FCHSD2: variants seen among roughly 807,000 people sequenced by gnomAD.
FCHSD2 encodes the protein FCH and double SH3 domains 2.
Under a neutral mutation model 108.1 loss-of-function variants are expected in FCHSD2, and 38 were observed. The observed-to-expected ratio is 0.35, with a 90% CI of 0.27 to 0.46. The LOEUF (loss-of-function observed/expected upper bound fraction) is 0.46. Among genes scored for constraint, FCHSD2 ranks in the 20% least tolerant of loss-of-function variants. The pLI, the probability that FCHSD2 is intolerant of heterozygous loss-of-function variation, is 1.00. For synonymous variants in FCHSD2, 279 were observed against 314.7 expected (o/e 0.89, Z 1.20); for missense variants, 751 against 897.8 (o/e 0.84, Z 2.09).
chr11:72,976,644 T>C (rs1479257690), intron 8 of FCHSD2, among the ~76,000 whole-genome samples: 1 of 152,098 alleles, frequency 6.6e-6, no homozygotes, highest in Non-Finnish European at 1.5e-5. Context: ...ATTACCTAAC[T>C]TCAAATTATA....
intron 2 of FCHSD2, among the ~76,000 whole-genome samples, chr11:73,086,076 C>T (rs1283754990): frequency 6.6e-6 from 1 of 152,152 alleles, no homozygotes; most frequent in African/African-American, 2.4e-5. Flanking sequence ...GAAAGCAGTG[C>T]TACGGGGGAA....
At position 72,840,968 on chromosome 11, in the gene FCHSD2, G is replaced by GA; in HGVS notation, c.2057-10dup. ...AGCATGAAGGCTTTTTTCTAAGGGA[G>GA]AAAACCAAAGAAGCTCATTTTACTT... On this transcript the variant is annotated splice_polypyrimidine_tract_variant and intron_variant, in intron 18 of 19. Transcript: ENST00000409418. 6.2e-7 allele frequency: 1 copy of GA among 1,602,318 alleles called. No individual in the cohort carries two copies. Among genetic ancestry groups the GA allele is most frequent in the Non-Finnish European group, 8.5e-7 (1 of 1,169,694 alleles).
At chr11:73,138,550 A>T (rs914103149) in intron 2 of FCHSD2, among the ~76,000 whole-genome samples, 16 of 150,880 alleles carry the variant, frequency 1.1e-4, no homozygotes, top group Non-Finnish European at 2.1e-4. Context: ...TTAATAAGTT[A>T]AAAAAACCTT....
intron 4 of FCHSD2, among the ~76,000 whole-genome samples, chr11:73,010,314 T>C (rs79227805): frequency 0.065 from 9,955 of 152,310 alleles, 457 homozygotes; most frequent in Non-Finnish European, 0.099. Context: ...TTCTGATTTC[T>C]CTGTACTGTT....
chr11:73,021,798 C>CA (rs1172975352), intron 3 of FCHSD2, among the ~76,000 whole-genome samples: 1 of 151,948 alleles, frequency 6.6e-6, no homozygotes, highest in Admixed American at 6.6e-5. Flanking sequence ...CGGATATATA[C>CA]AAAAAACTGG....
intron 3 of FCHSD2, among the ~76,000 whole-genome samples, chr11:73,052,956 C>T (rs918245155): frequency 2.0e-5 from 3 of 152,088 alleles, no homozygotes; most frequent in Non-Finnish European, 4.4e-5. Flanking sequence ...AGGTGATTCT[C>T]CTGCCTCAGC....
At chr11:73,052,193 A>G (rs1028513295) in intron 3 of FCHSD2, among the ~76,000 whole-genome samples, 2 of 152,210 alleles carry the variant, frequency 1.3e-5, no homozygotes, top group African/African-American at 2.4e-5. Flanking sequence ...TTTCTGCTTC[A>G]CTGCCAAACA....
At chr11:73,055,462 C>A (rs1410517602) in intron 3 of FCHSD2, among the ~76,000 whole-genome samples, 1 of 152,066 alleles carries the variant, frequency 6.6e-6, no homozygotes, top group Non-Finnish European at 1.5e-5. Context: ...GAGAAGTATA[C>A]AATGACCATC....
At chr11:72,934,157 A>G (rs1259831150) in intron 8 of FCHSD2, among the ~76,000 whole-genome samples, 2 of 151,750 alleles carry the variant, frequency 1.3e-5, no homozygotes, top group African/African-American at 4.8e-5. Context: ...GCTTACAACA[A>G]ATCATAAAAG....
chr11:72,889,800 A>G (rs1000183898), intron 11 of FCHSD2, 29 bp downstream of exon 11: 1 of 1,273,242 alleles, frequency 7.9e-7, no homozygotes, highest in African/African-American at 1.5e-5. Flanking sequence ...CTTAAGGTGA[A>G]TGTAACTAGG....
At chr11:72,846,820 C>T (rs556180687) in intron 14 of FCHSD2, among the ~76,000 whole-genome samples, 21 of 152,170 alleles carry the variant, frequency 1.4e-4, no homozygotes, top group African/African-American at 3.4e-4. Flanking sequence ...TGAGCTCTTA[C>T]GGTACATACA....
At chr11:73,124,035 A>T (rs1860795429) in intron 2 of FCHSD2, among the ~76,000 whole-genome samples, 1 of 152,238 alleles carries the variant, frequency 6.6e-6, no homozygotes, top group Non-Finnish European at 1.5e-5. Context: ...GATAGACTGG[A>T]TTAAGAAAAT....
In FCHSD2 at chr11:73,015,882, T is replaced by C; in HGVS notation, c.169A>G (p.Met57Val). 2.5e-6 allele frequency: 4 copies of C among 1,574,078 alleles called. No individual in the cohort carries two copies. The highest frequency in any genetic ancestry group is 1.2e-5 in the South Asian group (1 of 86,908). The change falls in exon 4 of 20, where the codon ATG becomes GTG. Residue 57 changes from methionine to valine, a missense_variant. Transcript: ENST00000409418. Reference sequence around the variant, plus strand: ...AGGTATTGACTAGCCAACTTCTGCATACCCTGTTAAAAAATACATATTTTT... The same window carrying C: ...AGGTATTGACTAGCCAACTTCTGCACACCCTGTTAAAAAATACATATTTTT... ...AAIEREYAQG[M>V]QKLASQYLKR...
At chr11:72,865,843 G>A (rs1854708454) in intron 13 of FCHSD2, among the ~76,000 whole-genome samples, 1 of 152,176 alleles carries the variant, frequency 6.6e-6, no homozygotes, top group Non-Finnish European at 1.5e-5. Flanking sequence ...TTAGAAGTAA[G>A]CAATCTCAAG....
intron 2 of FCHSD2, among the ~76,000 whole-genome samples, chr11:73,110,965 T>C (rs765700040): frequency 6.6e-6 from 1 of 152,224 alleles, no homozygotes; most frequent in Non-Finnish European, 1.5e-5. Flanking sequence ...AATTTCCATG[T>C]GGTTATATAG....
Position 72,907,599 on chromosome 11 carries a change from GT to G in FCHSD2, c.829-4962del, listed in dbSNP as rs35079551. On this transcript the variant is annotated intron_variant, in intron 9 of 19. Transcript: ENST00000409418. Reference sequence around the variant, plus strand: ...TGCATCTATTGAGATAATCACGTGGGTTTTTTTTTTTTTTTTTTTTCTTGAG... The same window carrying G: ...TGCATCTATTGAGATAATCACGTGGGTTTTTTTTTTTTTTTTTTTCTTGAG... Among the ~76,000 whole-genome samples the G allele has an allele frequency of 3.4e-3, 394 of 114,624 alleles. 5 individuals carry two copies. Among genetic ancestry groups the G allele is most frequent in the African/African-American group, 0.012 (357 of 29,120 alleles). 75.2% of individuals were successfully genotyped at this position (114,624 alleles called of 152,430 possible). A position where few individuals can be genotyped will look rare whatever the true frequency, so the allele number is the denominator to read the frequency against.
At chr11:73,086,186 A>G (rs905688524) in intron 2 of FCHSD2, among the ~76,000 whole-genome samples, 3 of 152,212 alleles carry the variant, frequency 2.0e-5, no homozygotes, top group African/African-American at 7.2e-5. Flanking sequence ...AGGTGGGTGG[A>G]TCACTTGAGG....
intron 8 of FCHSD2, among the ~76,000 whole-genome samples, chr11:72,925,637 C>G (rs1272661624): frequency 6.6e-6 from 1 of 152,218 alleles, no homozygotes; most frequent in Non-Finnish European, 1.5e-5. Context: ...ATTATCTCAT[C>G]ATGAGATAAT....
chr11:73,042,735 TCA>T (rs970604277), intron 3 of FCHSD2, among the ~76,000 whole-genome samples: 3 of 152,174 alleles, frequency 2.0e-5, no homozygotes, highest in Non-Finnish European at 4.4e-5. Flanking sequence ...ATTTTTTTCA[TCA>T]GTGTTTTGCG....
Sources: allele counts gnomAD v4.1 joint callset (sites outside exome capture counted in the v4.1 genomes callset), GRCh38; gene constraint gnomAD v4.1.1; transcripts MANE v1.5; gene names NCBI Gene and HGNC (gene_info 2026-07-23, HGNC 2026-07-21).